OBSL1: variants seen among roughly 807,000 people sequenced by gnomAD.
The protein encoded by OBSL1 is obscurin like cytoskeletal adaptor 1, also known as obscurin-like protein 1.
In OBSL1, 160 loss-of-function variants were observed where a neutral mutation model predicts 172.0. The ratio of observed to expected loss-of-function variants is 0.93; its 90% CI spans 0.82 to 1.06. The LOEUF (loss-of-function observed/expected upper bound fraction) is 1.06, where lower values mean the gene tolerates loss of function less well. Ranked by LOEUF, OBSL1 falls within the 50% of genes least tolerant of loss-of-function variation. The pLI is 0.00. For synonymous variants in OBSL1, 1,200 were observed against 1,196.3 expected, an observed-to-expected ratio of 1.00 and a Z score of -0.06; for missense variants, 2,681 against 2,715.4, an observed-to-expected ratio of 0.99 and a Z score of 0.28.
Position 219,567,339 on chromosome 2 carries a change from G to A in OBSL1, c.1771C>T (p.Arg591Cys), listed in dbSNP as rs867139989. The A allele has an allele frequency of 8.7e-6, 14 of 1,610,526 alleles. No homozygotes were observed. Among genetic ancestry groups the A allele is most frequent in the African/African-American group, 4.0e-5 (3 of 74,856 alleles). The change falls in exon 4 of 21, where the codon CGC (arginine) becomes TGC (cysteine). Residue 591 changes from arginine (R) to cysteine (C), a missense_variant. Around this residue, in one of 5 missense-constraint regions of OBSL1, gnomAD observed 706 missense variants for 695.8 expected, o/e 1.01. Coordinates refer to ENST00000404537, the MANE Select transcript of OBSL1 (RefSeq NM_015311.3). ...CVPSEGDYRF[R>C]ICTVSGHGRS... is the part of the protein sequence containing the mutation. Reference sequence around the variant, plus strand: ...CCATGTCCGCTGACTGTGCAGATGCGGAAGCGGTAGTCACCCTCGGAGGGC... The same window carrying A: ...CCATGTCCGCTGACTGTGCAGATGCAGAAGCGGTAGTCACCCTCGGAGGGC...
rs748749338 is a variant in OBSL1, at chr2:219,567,930, A to T, written c.1322T>A (p.Leu441Gln). Residue 441 changes from leucine (L) to glutamine (Q), a missense_variant, in exon 3 of 21, where the codon CTG becomes CAG. By Grantham distance (113) the Leu-to-Gln change is moderately radical (BLOSUM62 -2). This residue lies in a region of OBSL1 where 706 missense variants were observed against 695.8 expected (regional missense o/e 1.01). Transcript: ENST00000404537. ...LKRLPRKLDV[L>Q]EGENAVLLVE... is the part of the protein sequence containing the mutation. ...TAGCAGCACAGCATTCTCTCCTTCC[A>T]GGACGTCGAGCTTCCGGGGCAGGCG... The T allele has an allele frequency of 4.3e-6, 7 of 1,613,690 alleles. No homozygotes were observed. The African/African-American group carries it at 9.3e-5, about 22-fold the overall frequency.
intron 7 of OBSL1, chr2:219,563,070 C>G (rs966179926): frequency 6.0e-6 from 3 of 500,486 alleles, no homozygotes; most frequent in African/African-American, 3.8e-5. Context: ...CTAGACTCTG[C>G]CCTACCCTGC....
In OBSL1 at chr2:219,552,600, C is replaced by G; in HGVS notation, c.5244G>C (p.Thr1748=). The change falls in exon 18 of 21, where the codon ACG becomes ACC. Residue 1748 remains threonine, a synonymous_variant. Coordinates refer to ENST00000404537, the MANE Select transcript of OBSL1 (RefSeq NM_015311.3). Reference sequence around the variant, plus strand: ...GGCGGCCTCCGAGCTCCCAGCGCCCCGTGGTCTCGACCTCCGACACGGTGC... The same window carrying G: ...GGCGGCCTCCGAGCTCCCAGCGCCCGGTGGTCTCGACCTCCGACACGGTGC... ...FECTVSEVET[T]GRWELGGRPL... 2 of 1,581,732 alleles carry G rather than the reference C, an allele frequency of 1.3e-6. No individual in the cohort carries two copies. The highest frequency in any genetic ancestry group is 8.5e-7 in the Non-Finnish European group (1 of 1,170,346).
rs778462729 is a variant in OBSL1 at position 219,556,545 on chromosome 2, G to GC, written c.4244_4245insG (p.Ile1415MetfsTer139). On this transcript the variant is annotated frameshift_variant, in exon 13 of 21. Coordinates refer to ENST00000404537, the MANE Select transcript of OBSL1 (RefSeq NM_015311.3). LOFTEE classifies it high-confidence loss of function. ...CCAGTTGGCAGCCTCGCAAGGTTAA[G>GC]ATGCGGCTTGAACCATTCTGGGCCA... The GC allele has an allele frequency of 6.2e-7, 1 of 1,613,872 alleles. No individual in the cohort carries two copies. Among genetic ancestry groups the GC allele is most frequent in the African/African-American group, 1.3e-5 (1 of 74,938 alleles).
At chr2:219,553,504 T>G (rs1374027160) in intron 16 of OBSL1, 70 bp downstream of exon 16, 6 of 1,078,984 alleles carry the variant, frequency 5.6e-6, no homozygotes, top group Non-Finnish European at 8.5e-6. Flanking sequence ...GAATATTAGC[T>G]GTTTCTGTCT....
chr2:219,570,993 C>T lies in OBSL1; in HGVS notation c.240G>A (p.Gly80=). 1.4e-6 allele frequency: 2 copies of T among 1,398,532 alleles called. No individual in the cohort carries two copies. The highest frequency in any genetic ancestry group is 1.9e-6 in the Non-Finnish European group (2 of 1,076,766). The allele number at this position is 1,398,532 out of a possible 1,614,324, so 86.6% of individuals were successfully genotyped here. ...LLTAALPTDA[G]VYVCRARNAA... ...CGTTGCGGGCGCGGCACACGTAGAC[C>T]CCCGCGTCGGTGGGCAGTGCGGCGG... Residue 80 remains glycine, a synonymous_variant, in exon 1 of 21, where the codon GGG becomes GGA. Coordinates refer to ENST00000404537, the MANE Select transcript of OBSL1 (RefSeq NM_015311.3).
At chr2:219,570,165 C>T in intron 1 of OBSL1, 56 bp downstream of exon 1, 1 of 1,418,434 alleles carries the variant, frequency 7.1e-7, no homozygotes, top group African/African-American at 1.5e-5. Flanking sequence ...GGCTGGAGTT[C>T]GGAGGGCCTC....
chr2:219,571,071 G>C lies in OBSL1; in HGVS notation c.162C>G (p.Ala54=). The C allele has an allele frequency of 1.4e-6, 2 of 1,466,212 alleles. No individual in the cohort carries two copies. Among genetic ancestry groups the C allele is most frequent in the Non-Finnish European group, 1.8e-6 (2 of 1,111,934 alleles). 90.8% of individuals were successfully genotyped at this position (1,466,212 alleles called of 1,614,324 possible). The part of the protein sequence containing the change: ...VWEKGGQQLA[A]SERLSFPADG... ...CCGCCGGGAAGCTCAGGCGTTCCGA[G>C]GCCGCCAGCTGCTGCCCGCCCTTCT... Residue 54 remains alanine (A), a synonymous_variant, in exon 1 of 21, where the codon GCC becomes GCG. Coordinates refer to ENST00000404537, the MANE Select transcript of OBSL1 (RefSeq NM_015311.3).
chr2:219,552,059 T>C (rs1163293237), intron 19 of OBSL1, 53 bp downstream of exon 19: 13 of 1,498,232 alleles, frequency 8.7e-6, no homozygotes, highest in African/African-American at 2.8e-5. Context: ...GTCAGTCCCA[T>C]GGCAGGAGAG....
Position 219,552,102 on chromosome 2 carries a change from A to C in OBSL1, c.5413+10T>G. The C allele has an allele frequency of 6.2e-7, 1 of 1,600,660 alleles. No individual in the cohort carries two copies. Among genetic ancestry groups the C allele is most frequent in the Non-Finnish European group, 8.5e-7 (1 of 1,173,664 alleles). On this transcript the variant is annotated intron_variant, in intron 19 of 20. Transcript: ENST00000404537. ...GTACACTCTCTGTCGCTCCCACCCCAGGTGCTTACCCTCCACTTCCAGTAG... is the reference window on the plus strand; with the variant it reads ...GTACACTCTCTGTCGCTCCCACCCCCGGTGCTTACCCTCCACTTCCAGTAG...
intron 20 of OBSL1, chr2:219,551,277 A>G (rs1002892758): frequency 7.8e-6 from 11 of 1,404,308 alleles, no homozygotes; most frequent in South Asian, 5.1e-5. Context: ...GGCAGGAGAG[A>G]GGAGAAGCCT....
rs752591914 is a variant in OBSL1, at chr2:219,558,122, A to G, written c.3503-12T>C. 62 of 1,612,560 alleles carry G rather than the reference A, an allele frequency of 3.8e-5. No individual in the cohort carries two copies. Among genetic ancestry groups the G allele is most frequent in the South Asian group, 6.6e-5 (6 of 91,030 alleles). On this transcript the variant is annotated splice_polypyrimidine_tract_variant and intron_variant, in intron 10 of 20. Coordinates refer to ENST00000404537, the MANE Select transcript of OBSL1 (RefSeq NM_015311.3). ...CTGCACTGGAGGCTCTGGAGAAGAGAGGAAGGTGTCATCCCATGCTTGCCC... is the reference window on the plus strand; with the variant it reads ...CTGCACTGGAGGCTCTGGAGAAGAGGGGAAGGTGTCATCCCATGCTTGCCC...
Position 219,558,042 on chromosome 2 carries a change from C to T in OBSL1, c.3571G>A (p.Val1191Met), listed in dbSNP as rs1696163312. The change falls in exon 11 of 21, where the codon GTG becomes ATG. Residue 1191 changes from valine to methionine, a missense_variant. Around this residue, in one of 5 missense-constraint regions of OBSL1, gnomAD observed 1,765 missense variants for 1,748.3 expected, o/e 1.01. Coordinates refer to ENST00000404537, the MANE Select transcript of OBSL1 (RefSeq NM_015311.3). ...SPLCVAPGEP[V>M]VLSCELSRAG... ...CGGGACAGTTCACAGCTCAGCACCA[C>T]TGGCTCCCCAGGGGCCACACAGAGC... 1 of 1,613,556 alleles carries T rather than the reference C, an allele frequency of 6.2e-7. No individual in the cohort carries two copies. Among genetic ancestry groups the T allele is most frequent in the Non-Finnish European group, 8.5e-7 (1 of 1,179,822 alleles).
Position 219,552,669 on chromosome 2 carries a change from C to T in OBSL1, c.5175G>A (p.Leu1725=). The change falls in exon 18 of 21, where the codon CTG becomes CTA. Residue 1725 remains leucine, a synonymous_variant. Coordinates refer to ENST00000404537, the MANE Select transcript of OBSL1 (RefSeq NM_015311.3). ...CGCCTTCGCGGGCGCTCACCGACCG[C>T]AGCTCGGAGAGTACCGCCACAGTAC... ...RERTVAVLSE[L]RSVSAREGDG... 1 of 1,537,908 alleles carries T rather than the reference C, an allele frequency of 6.5e-7. No homozygotes were observed. The highest frequency in any genetic ancestry group is 1.2e-5 in the South Asian group (1 of 84,474).
chr2:219,549,973 C>A, downstream of OBSL1: 2 of 1,343,204 alleles, frequency 1.5e-6, no homozygotes, highest in Non-Finnish European at 2.0e-6. Context: ...AGAGGGCTGG[C>A]CTGGTCACTA....
In OBSL1 at chr2:219,566,909, G is replaced by A. The variant is rs1043537; in HGVS notation, c.2055C>T (p.Ala685=). Residue 685 remains alanine (A), a synonymous_variant, in exon 5 of 21, where the codon GCC becomes GCT. Transcript: ENST00000404537. ...KGLQHRLILH[A]VKHQDSGALV... is the part of the protein sequence containing the mutation. ...GGGCACCGCTGTCCTGGTGCTTGAC[G>A]GCATGCAGGATGAGTCTGTGCTGCA... 9.3e-6 allele frequency: 15 copies of A among 1,609,952 alleles called. 1 individual carries two copies. The highest frequency in any genetic ancestry group is 8.8e-5 in the South Asian group (8 of 91,048).
At chr2:219,560,990 G>C (rs1251412695) in intron 8 of OBSL1, among the ~76,000 whole-genome samples, 1 of 152,178 alleles carries the variant, frequency 6.6e-6, no homozygotes, top group African/African-American at 2.4e-5. Context: ...TGGTGTTTGT[G>C]GGGAGCCTGA....
At chr2:219,557,082 A>G in intron 12 of OBSL1, 2 of 490,216 alleles carry the variant, frequency 4.1e-6, no homozygotes, top group Non-Finnish European at 7.1e-6. Context: ...AATGTCACAC[A>G]GCTACTGGGG....
chr2:219,551,829 T>C (rs1464267927), intron 19 of OBSL1, 31 bp from the exon 20 acceptor site: 3 of 1,411,508 alleles, frequency 2.1e-6, no homozygotes, highest in Non-Finnish European at 2.9e-6. Flanking sequence ...CTTAAGTTAA[T>C]AGGGACACGC....
Sources: gnomAD v4.1 joint callset for allele counts (sites outside exome capture counted in the v4.1 genomes callset) on GRCh38, gnomAD v4.1.1 for gene constraint, gnomAD v4.1.1 regional missense constraint, MANE v1.5 for transcripts, NCBI Gene and HGNC (gene_info 2026-07-23, HGNC 2026-07-21) for gene names.